RAI14: variants seen among roughly 807,000 people sequenced by gnomAD.
RAI14 encodes ankycorbin.
A neutral mutation model predicts 115.4 loss-of-function variants in RAI14; 45 were observed. The observed-to-expected ratio is 0.39, with a 90% confidence interval of 0.31 to 0.50. The LOEUF is 0.50. Among genes scored for constraint, RAI14 ranks in the 20% least tolerant of loss-of-function variants. The pLI, the probability that RAI14 is intolerant of heterozygous loss-of-function variation, is 0.85. For missense variants in RAI14, 939 were observed against 1,131.2 expected, an observed-to-expected ratio of 0.83 and a Z score of 2.44; for synonymous variants, 371 against 415.4, an observed-to-expected ratio of 0.89 and a Z score of 1.30.
chr5:34,774,036 G>A (rs1231275642), intron 3 of RAI14, among the ~76,000 whole-genome samples: 1 of 152,052 alleles, frequency 6.6e-6, no homozygotes, highest in Non-Finnish European at 1.5e-5. Flanking sequence ...AAAAACCAAA[G>A]ACTCCACCAC....
rs1424477449 is a variant in RAI14, at chr5:34,823,273, C to T, written c.1431C>T (p.Asn477=). ...TAAACAACACTGAGATTTCAGAGAA[C>T]AGCTCTGACCTCAGCCAGAAACTTA... ...VCLNNTEISE[N]SSDLSQKLKE... The change falls in exon 15 of 18, where the codon AAC becomes AAT. Residue 477 remains asparagine, a synonymous_variant. Coordinates refer to ENST00000265109, the MANE Select transcript of RAI14 (RefSeq NM_015577.3). The surrounding 1 kb of genome is among the most constrained non-coding windows in gnomAD (Gnocchi z 4.5). 1 of 1,613,958 alleles carries T rather than the reference C, an allele frequency of 6.2e-7. No homozygotes were observed. The highest frequency in any genetic ancestry group is 8.5e-7 in the Non-Finnish European group (1 of 1,179,952).
At chr5:34,746,091 T>TCCCCCC (rs368622381) in intron 2 of RAI14, among the ~76,000 whole-genome samples, 7 of 49,306 alleles carry the variant, frequency 1.4e-4, no homozygotes, top group African/African-American at 5.4e-4. Context: ...CACCACCCCC[T>TCCCCCC]CCCCCCCCCG....
intron 1 of RAI14, 54 bp from the exon 2 acceptor site, chr5:34,686,818 A>G (rs1744941299): frequency 4.2e-6 from 5 of 1,203,938 alleles, no homozygotes; most frequent in Non-Finnish European, 6.0e-6. Flanking sequence ...TAATCCAATC[A>G]GGAGAGAATA....
intron 3 of RAI14, among the ~76,000 whole-genome samples, chr5:34,779,749 G>T (rs146418572): frequency 0.011 from 1,744 of 152,276 alleles, 33 homozygotes; most frequent in African/African-American, 0.04. Flanking sequence ...AACGTTCCAT[G>T]CTGGTGGATA....
At chr5:34,819,342 A>G (rs1035072383) in intron 13 of RAI14, among the ~76,000 whole-genome samples, 4 of 152,240 alleles carry the variant, frequency 2.6e-5, no homozygotes, top group African/African-American at 9.6e-5. Context: ...CCATTTAAAA[A>G]TATCATGTTC....
At chr5:34,784,041 G>A (rs1027492889) in intron 3 of RAI14, among the ~76,000 whole-genome samples, 5 of 152,202 alleles carry the variant, frequency 3.3e-5, no homozygotes, top group African/African-American at 9.6e-5. Flanking sequence ...TCCAATCCTC[G>A]AGGATTAACT....
chr5:34,817,766 T>C (rs1262528984), intron 12 of RAI14, among the ~76,000 whole-genome samples: 1 of 152,188 alleles, frequency 6.6e-6, no homozygotes, highest in African/African-American at 2.4e-5. Context: ...ATTCCATTTA[T>C]AGGAATTCTA....
chr5:34,811,277 GTTGACTTTAAAGCAATT>G (rs1157378805), intron 8 of RAI14, among the ~76,000 whole-genome samples, 159 bp downstream of exon 8: 1 of 152,118 alleles, frequency 6.6e-6, no homozygotes, highest in African/African-American at 2.4e-5. Flanking sequence ...AAGAATCTAT[GTTGACTTTAAAGCAATT>G]TTCCCCAGAC....
At chr5:34,803,575 C>A (rs1275864645) in intron 4 of RAI14, 137 bp from the exon 5 acceptor site, 61 of 729,508 alleles carry the variant, frequency 8.4e-5, no homozygotes, top group Non-Finnish European at 1.0e-4. Context: ...AAAAAACAAA[C>A]AAACAAAAAA....
intron 3 of RAI14, 41 bp downstream of exon 3, chr5:34,757,639 T>A: frequency 6.4e-7 from 1 of 1,561,142 alleles, no homozygotes; most frequent in Non-Finnish European, 8.7e-7. Flanking sequence ...TGGTTCTGGG[T>A]TTTTGGGGTG....
At chr5:34,806,789 A>G (rs925049442) in intron 5 of RAI14, among the ~76,000 whole-genome samples, 1 of 152,202 alleles carries the variant, frequency 6.6e-6, no homozygotes, top group African/African-American at 2.4e-5. Context: ...ATAAGACATC[A>G]GAGCAGAGAT....
intron 12 of RAI14, among the ~76,000 whole-genome samples, chr5:34,817,076 GACCGTCCT>G (rs2150279195): frequency 6.6e-6 from 1 of 152,014 alleles, no homozygotes; most frequent in East Asian, 1.9e-4. Flanking sequence ...AGGAGATCGA[GACCGTCCT>G]GGCTAACACA....
intron 3 of RAI14, among the ~76,000 whole-genome samples, chr5:34,795,587 G>C (rs1753416822): frequency 6.6e-6 from 1 of 152,178 alleles, no homozygotes; most frequent in Admixed American, 6.5e-5. Flanking sequence ...CATTGATAAA[G>C]ACATATTACT....
At chr5:34,693,033 G>T (rs6451159) in intron 2 of RAI14, among the ~76,000 whole-genome samples, 114,953 of 152,028 alleles carry the variant, frequency 0.76, 43,722 homozygotes, top group Middle Eastern at 0.84. Context: ...TTCATCTTCA[G>T]GTGGCATTCT....
intron 1 of RAI14, among the ~76,000 whole-genome samples, chr5:34,676,790 A>T (rs1744009699): frequency 6.6e-6 from 1 of 152,230 alleles, no homozygotes; most frequent in Admixed American, 6.5e-5. Context: ...AAAGAGTTTT[A>T]CTACGTGATC....
intron 15 of RAI14, among the ~76,000 whole-genome samples, chr5:34,824,789 C>T (rs1302874159): frequency 6.6e-6 from 1 of 151,686 alleles, no homozygotes; most frequent in Non-Finnish European, 1.5e-5. Flanking sequence ...ACTAAAAATA[C>T]AAAAATTAGC....
intron 2 of RAI14, among the ~76,000 whole-genome samples, chr5:34,726,987 A>G (rs1441241451): frequency 1.3e-5 from 2 of 152,214 alleles, no homozygotes; most frequent in African/African-American, 2.4e-5. Context: ...TGTGGAAGTG[A>G]CTTGGGAGCT....
At position 34,786,662 on chromosome 5, in the gene RAI14, G is replaced by A. The variant is rs901854634; in HGVS notation, c.168-9277G>A. On this transcript the variant is annotated intron_variant, in intron 3 of 17. Transcript: ENST00000265109. ...GGATTGCTTAAAAGAGTACTTGGGT[G>A]TCCTCCGCTTGGTTCCACATTTTCC... Among the ~76,000 whole-genome samples the A allele has an allele frequency of 5.9e-5, 9 of 152,098 alleles. No individual in the cohort carries two copies. The East Asian group carries it at 1.7e-3, about 29-fold the overall frequency.
intron 2 of RAI14, among the ~76,000 whole-genome samples, chr5:34,718,415 GTT>G (rs766738037): frequency 7.9e-5 from 12 of 152,232 alleles, no homozygotes; most frequent in Admixed American, 2.0e-4. Context: ...TCTGTTATCT[GTT>G]GGTTGAGAAG....
Sources: gnomAD v4.1 joint callset for allele counts (sites outside exome capture counted in the v4.1 genomes callset) on GRCh38, gnomAD v4.1.1 for gene constraint, Gnocchi (gnomAD v3.1) non-coding constraint, MANE v1.5 for transcripts, NCBI Gene and HGNC (gene_info 2026-07-23, HGNC 2026-07-21) for gene names.